The following ARHGEF7 variants were observed in gnomAD, a reference collection of about 807,000 sequenced individuals.
The protein encoded by ARHGEF7 is Rho guanine nucleotide exchange factor 7.
Under a neutral mutation model 109.8 loss-of-function variants are expected in ARHGEF7, and 33 were observed. The observed-to-expected ratio is 0.30, with a 90% CI of 0.23 to 0.40. The LOEUF (loss-of-function observed/expected upper bound fraction) is 0.40. Among genes scored for constraint, ARHGEF7 ranks in the 10% least tolerant of loss-of-function variants. The probability of loss-of-function intolerance (pLI) is 1.00; values close to 1 mark genes in which losing one functional copy is unlikely to be tolerated. For missense variants in ARHGEF7, 938 were observed against 1,098.5 expected (o/e 0.85, Z 2.07); for synonymous variants, 458 against 424.6 (o/e 1.08, Z -0.97).
chr13:111,176,488 A>G (rs1361283527), intron 2 of ARHGEF7, among the ~76,000 whole-genome samples: 1 of 152,010 alleles, frequency 6.6e-6, no homozygotes, highest in Non-Finnish European at 1.5e-5. Context: ...GTTTCTTCCT[A>G]GGTCCCACTC....
intron 5 of ARHGEF7, among the ~76,000 whole-genome samples, chr13:111,223,920 A>G (rs9522162): frequency 0.45 from 67,042 of 149,718 alleles, 15,625 homozygotes; most frequent in South Asian, 0.56. Context: ...GCAGTGGCAT[A>G]ATCTCAGCTC....
At chr13:111,153,047 G>A (rs1210121189) in intron 1 of ARHGEF7, among the ~76,000 whole-genome samples, 1 of 152,214 alleles carries the variant, frequency 6.6e-6, no homozygotes, top group Non-Finnish European at 1.5e-5. Flanking sequence ...AACTATTTCG[G>A]TTAATCATTC....
chr13:111,219,157 C>A (rs1346459414), intron 5 of ARHGEF7, among the ~76,000 whole-genome samples: 1 of 152,142 alleles, frequency 6.6e-6, no homozygotes, highest in Non-Finnish European at 1.5e-5. Context: ...AATTCTGTTC[C>A]CATTAAACAG....
chr13:111,291,433 C>T (rs2153626256), intron 18 of ARHGEF7, among the ~76,000 whole-genome samples: 1 of 152,372 alleles, frequency 6.6e-6, no homozygotes, highest in East Asian at 1.9e-4. Flanking sequence ...CCCACTGCAC[C>T]CTGCCTGCGG....
At chr13:111,289,231 A>G (rs1043482889) in intron 18 of ARHGEF7, among the ~76,000 whole-genome samples, 5 of 152,094 alleles carry the variant, frequency 3.3e-5, no homozygotes, top group African/African-American at 1.2e-4. Context: ...ATGGGGTTTC[A>G]CCCTTTGGGC....
chr13:111,278,968 C>A (rs1376182574), intron 13 of ARHGEF7, among the ~76,000 whole-genome samples: 1 of 152,192 alleles, frequency 6.6e-6, no homozygotes, highest in African/African-American at 2.4e-5. Flanking sequence ...ATTCTTAGCA[C>A]AGTGGTGACC....
At chr13:111,186,003 TG>T (rs2079215932) in intron 2 of ARHGEF7, among the ~76,000 whole-genome samples, 2 of 150,528 alleles carry the variant, frequency 1.3e-5, no homozygotes, top group African/African-American at 2.4e-5. Context: ...TGTGTGTGTG[TG>T]TTTTCGTTTT....
chr13:111,273,957 T>C lies in ARHGEF7; in HGVS notation c.1212+5T>C, dbSNP rs769149841. 2.5e-6 allele frequency: 4 copies of C among 1,613,740 alleles called. No individual in the cohort carries two copies. Among genetic ancestry groups the C allele is most frequent in the South Asian group, 1.1e-5 (1 of 91,068 alleles). ...GAGCTCGAGAGACACATGGAGGTAC[T>C]GCGCTTTCATTCTCTTACTTGGAGT... On this transcript the variant is annotated splice_donor_5th_base_variant and intron_variant, in intron 10 of 21. Coordinates refer to ENST00000646102, the MANE Select transcript of ARHGEF7 (RefSeq NM_001354046.2). The surrounding 1 kb of genome is among the most constrained non-coding windows in gnomAD (Gnocchi z 4.5).
At chr13:111,221,500 T>TATAGATATATAGAC (rs1555372674) in intron 5 of ARHGEF7, among the ~76,000 whole-genome samples, 7,348 of 81,506 alleles carry the variant, frequency 0.09, 1,551 homozygotes, top group Non-Finnish European at 0.14. Flanking sequence ...GACATATATA[T>TATAGATATATAGAC]ATCTATATAT....
At chr13:111,283,863 A>G (rs1315711980) in intron 16 of ARHGEF7, among the ~76,000 whole-genome samples, 3 of 152,152 alleles carry the variant, frequency 2.0e-5, no homozygotes, top group African/African-American at 4.8e-5. Context: ...CCTTTGATGC[A>G]TAAGAAATCA....
intron 6 of ARHGEF7, among the ~76,000 whole-genome samples, chr13:111,242,692 T>C (rs2088002169): frequency 6.6e-6 from 1 of 152,248 alleles, no homozygotes; most frequent in Non-Finnish European, 1.5e-5. Flanking sequence ...CTCAGTCTCA[T>C]GCCAAAGAAG....
At chr13:111,116,222 C>T (rs2066766164) in intron 1 of ARHGEF7, 1 of 152,714 alleles carries the variant, frequency 6.5e-6, no homozygotes, top group South Asian at 2.1e-4. Context: ...CTACTTTCCC[C>T]TCGAGAAAAT....
chr13:111,288,296 G>A (rs551059127), intron 17 of ARHGEF7, 58 bp from the exon 18 acceptor site: 114 of 1,180,558 alleles, frequency 9.7e-5, no homozygotes, highest in Non-Finnish European at 1.2e-4. Context: ...CATTCGTCTC[G>A]CCAGTTGCCC....
At chr13:111,208,754 G>T (rs1025266578) in intron 3 of ARHGEF7, among the ~76,000 whole-genome samples, 2 of 152,178 alleles carry the variant, frequency 1.3e-5, no homozygotes, top group Non-Finnish European at 2.9e-5. Flanking sequence ...CAGGTCCTGG[G>T]AAGTGTAGGG....
chr13:111,283,222 C>T lies in ARHGEF7; in HGVS notation c.1809C>T (p.Pro603=). Residue 603 remains proline, a synonymous_variant, in exon 16 of 22, where the codon CCC becomes CCT. Coordinates refer to ENST00000646102, the MANE Select transcript of ARHGEF7 (RefSeq NM_001354046.2). The part of the protein sequence containing the change: ...APLTPAYHTL[P]HPSHHGTPHT... ...TGACGCCCGCCTACCACACGCTGCC[C>T]CACCCCTCCCACCACGGCACCCCGC... The T allele has an allele frequency of 6.3e-7, 1 of 1,593,258 alleles. No individual in the cohort carries two copies. Among genetic ancestry groups the T allele is most frequent in the Non-Finnish European group, 8.5e-7 (1 of 1,171,730 alleles).
chr13:111,294,204 T>G, intron 19 of ARHGEF7: 1 of 985,442 alleles, frequency 1.0e-6, no homozygotes, highest in Non-Finnish European at 1.2e-6. Flanking sequence ...TTTCTATACT[T>G]ACTATAAGTG....
chr13:111,184,553 G>A (rs1019590083), intron 2 of ARHGEF7, among the ~76,000 whole-genome samples: 1 of 152,170 alleles, frequency 6.6e-6, no homozygotes, highest in East Asian at 1.9e-4. Context: ...CCCTTAGCCG[G>A]TCTGCCTCCT....
At chr13:111,218,415 C>T (rs1403539741) in intron 5 of ARHGEF7, among the ~76,000 whole-genome samples, 4 of 152,004 alleles carry the variant, frequency 2.6e-5, no homozygotes, top group East Asian at 1.9e-4. Context: ...TAGTGATCCT[C>T]GGCACATGGC....
chr13:111,132,615 C>T lies in ARHGEF7; in HGVS notation c.165+16924C>T, dbSNP rs528246803. On this transcript the variant is annotated intron_variant, in intron 1 of 21. Coordinates refer to ENST00000646102, the MANE Select transcript of ARHGEF7 (RefSeq NM_001354046.2). ...TGACTTTTTCTTTCCCTTTAGAAAA[C>T]GCTCACAGTGTATTACATATCATGC... Among the ~76,000 whole-genome samples, 4 of 152,222 alleles carry T rather than the reference C, an allele frequency of 2.6e-5. No homozygotes were observed. The East Asian group carries it at 7.7e-4, about 29-fold the overall frequency.
Sources: allele counts gnomAD v4.1 joint callset (sites outside exome capture counted in the v4.1 genomes callset), GRCh38; gene constraint gnomAD v4.1.1; non-coding constraint Gnocchi (gnomAD v3.1); transcripts MANE v1.5; gene names NCBI Gene and HGNC (gene_info 2026-07-23, HGNC 2026-07-21).